The following AGBL4 variants were observed in gnomAD, a reference collection of about 807,000 sequenced individuals.
AGBL4 encodes the protein AGBL carboxypeptidase 4, also known as cytosolic carboxypeptidase 6.
In AGBL4, 58 loss-of-function variants were observed where a neutral mutation model predicts 66.4. The ratio of observed to expected loss-of-function variants is 0.87; its 90% CI spans 0.71 to 1.09. The LOEUF (loss-of-function observed/expected upper bound fraction) is 1.09. Ranked by LOEUF, AGBL4 falls within the 50% of genes least tolerant of loss-of-function variation. The pLI is 0.00. For missense variants in AGBL4, 579 were observed against 631.0 expected, an observed-to-expected ratio of 0.92 and a Z score of 0.88; for synonymous variants, 234 against 222.9, an observed-to-expected ratio of 1.05 and a Z score of -0.44.
chr1:49,381,334 A>T (rs1301702044), intron 3 of AGBL4, among the ~76,000 whole-genome samples: 2 of 152,238 alleles, frequency 1.3e-5, no homozygotes, highest in Non-Finnish European at 2.9e-5. Context: ...ATCACTAAAA[A>T]GTCAGGAAAC....
At chr1:49,751,293 G>C (rs1269851977) in intron 2 of AGBL4, among the ~76,000 whole-genome samples, 2 of 152,124 alleles carry the variant, frequency 1.3e-5, no homozygotes, top group African/African-American at 4.8e-5. Flanking sequence ...TTAGTATGAA[G>C]GGGTGTTGAA....
intron 3 of AGBL4, among the ~76,000 whole-genome samples, chr1:49,496,050 C>T (rs1647530439): frequency 6.6e-6 from 1 of 151,982 alleles, no homozygotes; most frequent in Admixed American, 6.6e-5. Context: ...GACACCTGTA[C>T]ACAGGATAAA....
chr1:49,036,339 G>C (rs1664647815), intron 5 of AGBL4, among the ~76,000 whole-genome samples: 1 of 152,100 alleles, frequency 6.6e-6, no homozygotes, highest in South Asian at 2.1e-4. Context: ...CTATTCTGCT[G>C]TACATGCTTA....
Position 49,846,165 on chromosome 1 carries a change from A to G in AGBL4, c.157+5231T>C, listed in dbSNP as rs964248573. 1.1e-5 allele frequency: 16 copies of G among 1,454,792 alleles called. No individual in the cohort carries two copies. The East Asian group carries it at 2.1e-4, about 19-fold the overall frequency. The allele number at this position is 1,454,792 out of a possible 1,614,324, so 90.1% of individuals were successfully genotyped here. A position where few individuals can be genotyped will look rare whatever the true frequency, so the allele number is the denominator to read the frequency against. ...ACCAAGGAAAAGCCCTATGGGTTCAATAAGTGTGGGAAATCCTTCAACCAC... is the reference window on the plus strand; with the variant it reads ...ACCAAGGAAAAGCCCTATGGGTTCAGTAAGTGTGGGAAATCCTTCAACCAC... On this transcript the variant is annotated intron_variant, in intron 2 of 13. Transcript: ENST00000371839.
intron 3 of AGBL4, among the ~76,000 whole-genome samples, chr1:49,393,446 G>T (rs1644891486): frequency 6.6e-6 from 1 of 152,076 alleles, no homozygotes; most frequent in Admixed American, 6.5e-5. Flanking sequence ...AGATTGCATA[G>T]AATTTTGATT....
chr1:49,755,859 A>G (rs1651846571), intron 2 of AGBL4, among the ~76,000 whole-genome samples: 1 of 152,218 alleles, frequency 6.6e-6, no homozygotes, highest in African/African-American at 2.4e-5. Context: ...TCTTTCTAAA[A>G]TGCAAACTTA....
chr1:48,894,116 C>A (rs116228848), intron 5 of AGBL4, among the ~76,000 whole-genome samples: 1,929 of 152,194 alleles, frequency 0.013, 29 homozygotes, highest in Non-Finnish European at 0.016. Flanking sequence ...ATGTGCAAAC[C>A]CTTTGACCCA....
intron 4 of AGBL4, among the ~76,000 whole-genome samples, chr1:49,178,890 G>T (rs1646878086): frequency 6.6e-6 from 1 of 152,104 alleles, no homozygotes; most frequent in South Asian, 2.1e-4. Flanking sequence ...ATCCACTTGG[G>T]GTGACTAGAG....
At chr1:49,090,735 T>C (rs1644988141) in intron 4 of AGBL4, among the ~76,000 whole-genome samples, 1 of 152,048 alleles carries the variant, frequency 6.6e-6, no homozygotes, top group Non-Finnish European at 1.5e-5. Flanking sequence ...AGAAAAAAAC[T>C]ATTTTAAAAT....
intron 1 of AGBL4, among the ~76,000 whole-genome samples, chr1:49,948,265 T>TATATAA (rs1655629427): frequency 1.9e-5 from 2 of 102,816 alleles, no homozygotes; most frequent in Non-Finnish European, 3.4e-5. Flanking sequence ...AATATATAAA[T>TATATAA]AAATACATAT....
intron 5 of AGBL4, among the ~76,000 whole-genome samples, chr1:48,872,803 A>G (rs1648811405): frequency 6.6e-6 from 1 of 152,150 alleles, no homozygotes; most frequent in Non-Finnish European, 1.5e-5. Context: ...CTAGCTGGCA[A>G]TGAGGTACTC....
At chr1:48,828,698 G>A (rs1408566189) in intron 6 of AGBL4, among the ~76,000 whole-genome samples, 1 of 152,176 alleles carries the variant, frequency 6.6e-6, no homozygotes, top group African/African-American at 2.4e-5. Context: ...TTCACAACAG[G>A]TTGTGTTAAG....
At chr1:48,631,415 G>T (rs1184447421) in intron 9 of AGBL4, among the ~76,000 whole-genome samples, 1 of 152,278 alleles carries the variant, frequency 6.6e-6, no homozygotes, top group South Asian at 2.1e-4. Context: ...TTTTGAAAAG[G>T]AGTCTTGATC....
intron 3 of AGBL4, among the ~76,000 whole-genome samples, chr1:49,557,588 G>A (rs1481299068): frequency 1.3e-5 from 2 of 152,058 alleles, no homozygotes; most frequent in African/African-American, 4.8e-5. Context: ...ACTTCACCCA[G>A]CCCTAACCAG....
At chr1:49,579,790 C>T (rs1571094821) in intron 3 of AGBL4, among the ~76,000 whole-genome samples, 1 of 152,358 alleles carries the variant, frequency 6.6e-6, no homozygotes, top group Admixed American at 6.5e-5. Context: ...TGAGCCACTG[C>T]ACCCAGCCTA....
At chr1:48,684,019 C>T (rs1244221942) in intron 6 of AGBL4, among the ~76,000 whole-genome samples, 2 of 152,220 alleles carry the variant, frequency 1.3e-5, no homozygotes, top group African/African-American at 4.8e-5. Flanking sequence ...TTCTCTGGCT[C>T]TGCAGGCATT....
chr1:49,190,770 T>C (rs148029413), intron 4 of AGBL4, among the ~76,000 whole-genome samples: 3 of 152,286 alleles, frequency 2.0e-5, no homozygotes, highest in African/African-American at 7.2e-5. Flanking sequence ...GGCTCACACA[T>C]ATTATATGTG....
rs1419734669 is a variant in AGBL4 at position 48,587,086 on chromosome 1, G to C, written c.1185C>G (p.Ser395=). Residue 395 remains serine (S), a synonymous_variant, in exon 11 of 14, where the codon TCC becomes TCG. Transcript: ENST00000371839. The stretch of plus-strand genomic sequence containing the variant: ...AGGAGACCTCTAGGGTGTAGCAATA[G>C]GAAGTGTGGTCCAGGAGTCCACCGA... ...RFLGGLLDHT[S]YCYTLEVSFY... The C allele has an allele frequency of 6.3e-7, 1 of 1,598,506 alleles. No individual in the cohort carries two copies.
chr1:49,922,318 G>T (rs2148242805), intron 1 of AGBL4, among the ~76,000 whole-genome samples: 1 of 152,198 alleles, frequency 6.6e-6, no homozygotes, highest in Admixed American at 6.5e-5. Context: ...AATAATAAGA[G>T]CCATATATAA....
Sources: gnomAD v4.1 joint callset for allele counts (sites outside exome capture counted in the v4.1 genomes callset) on GRCh38, gnomAD v4.1.1 for gene constraint, MANE v1.5 for transcripts, NCBI Gene and HGNC (gene_info 2026-07-23, HGNC 2026-07-21) for gene names.